NDC1: variants seen among roughly 807,000 people sequenced by gnomAD.
NDC1 encodes the protein nucleoporin NDC1.
NDC1 carries 24 observed loss-of-function variants against 89.8 expected under a neutral mutation model. The ratio of observed to expected loss-of-function variants is 0.27; its 90% CI spans 0.19 to 0.38. The LOEUF (loss-of-function observed/expected upper bound fraction) is 0.38, where lower values mean the gene tolerates loss of function less well. NDC1 is among the 10% of genes least tolerant of loss of function. The pLI is 1.00. For missense variants in NDC1, 728 were observed against 797.6 expected (o/e 0.91, Z 1.05); for synonymous variants, 296 against 284.8 (o/e 1.04, Z -0.39).
Position 53,767,963 on chromosome 1 carries a change from T to C in NDC1, c.*7A>G, listed in dbSNP as rs368528310. 657 of 1,578,670 alleles carry C rather than the reference T, an allele frequency of 4.2e-4. 1 individual carries two copies. Among genetic ancestry groups the C allele is most frequent in the Non-Finnish European group, 5.2e-4 (600 of 1,150,828 alleles). On this transcript the variant is annotated 3_prime_UTR_variant, in exon 18 of 18. Transcript: ENST00000371429. ...GCAGTGTAATGAACACAGTTTATAT[T>C]ACTTAACTATTCTTTGAACTCCAAG... is the stretch of plus-strand genomic sequence containing the variant.
Position 53,798,138 on chromosome 1 carries a change from T to TTTTTTATTA in NDC1, c.1223-995_1223-994insTAATAAAAA, listed in dbSNP as rs138762442. On this transcript the variant is annotated intron_variant, in intron 11 of 17. Coordinates refer to ENST00000371429, the MANE Select transcript of NDC1 (RefSeq NM_018087.5). ...CATTGCATTAGGATTCCATCTTCTT[T>TTTTTTATTA]TTATTATTATTATTATTATTATTAT... Among the ~76,000 whole-genome samples, 898 of 133,002 alleles carry TTTTTTATTA rather than the reference T, an allele frequency of 6.8e-3. 12 individuals are homozygous for TTTTTTATTA. Among genetic ancestry groups the TTTTTTATTA allele is most frequent in the Middle Eastern group, 0.011 (3 of 270 alleles). The allele number at this position is 133,002 out of a possible 152,430, so 87.3% of individuals were successfully genotyped here. A position where few individuals can be genotyped will look rare whatever the true frequency, so the allele number is the denominator to read the frequency against.
intron 13 of NDC1, among the ~76,000 whole-genome samples, chr1:53,795,606 C>A (rs561553537): frequency 6.6e-6 from 1 of 152,266 alleles, no homozygotes; most frequent in Non-Finnish European, 1.5e-5. Flanking sequence ...CTAGTATACA[C>A]CACAACCAAA....
At chr1:53,793,775 C>T (rs913279956) in intron 13 of NDC1, among the ~76,000 whole-genome samples, 1 of 151,758 alleles carries the variant, frequency 6.6e-6, no homozygotes, top group Non-Finnish European at 1.5e-5. Flanking sequence ...TGTTTTTGTA[C>T]AGACAGGGTC....
rs116321588 is a variant in NDC1 at position 53,800,246 on chromosome 1, A to G, written c.1222+447T>C. Among the ~76,000 whole-genome samples the G allele has an allele frequency of 4.6e-3, 707 of 152,094 alleles. 3 individuals carry two copies. Among genetic ancestry groups the G allele is most frequent in the African/African-American group, 0.016 (677 of 41,492 alleles). On this transcript the variant is annotated intron_variant, in intron 11 of 17. Transcript: ENST00000371429. ...ATACCCACGTCATTTTCTTGGTTCA[A>G]TATAAGATGCTATATGTTGGATCAA...
chr1:53,774,038 G>C (rs2100619630), intron 16 of NDC1, among the ~76,000 whole-genome samples: 1 of 152,300 alleles, frequency 6.6e-6, no homozygotes, highest in South Asian at 2.1e-4. Flanking sequence ...TCTGGAAACT[G>C]CTAAGTTAGC....
At chr1:53,829,375 C>T (rs1270765529) in intron 3 of NDC1, among the ~76,000 whole-genome samples, 1 of 152,178 alleles carries the variant, frequency 6.6e-6, no homozygotes, top group Non-Finnish European at 1.5e-5. Flanking sequence ...TGTCACTAAG[C>T]CTTTTTATAT....
intron 17 of NDC1, among the ~76,000 whole-genome samples, chr1:53,768,420 C>T (rs1024644643): frequency 1.3e-5 from 2 of 152,126 alleles, no homozygotes; most frequent in African/African-American, 4.8e-5. Flanking sequence ...GCCTTTAATA[C>T]AAAATCCTTT....
intron 10 of NDC1, 67 bp from the exon 11 acceptor site, chr1:53,800,915 A>G (rs1379811830): frequency 7.7e-6 from 11 of 1,428,894 alleles, no homozygotes; most frequent in Non-Finnish European, 9.5e-6. Flanking sequence ...AAGTGGGGGA[A>G]AAAGTCAGTA....
chr1:53,811,694 C>T (rs923372953), intron 6 of NDC1, among the ~76,000 whole-genome samples: 2 of 149,680 alleles, frequency 1.3e-5, no homozygotes, highest in African/African-American at 5.0e-5. Context: ...ATACAAAGGA[C>T]ATATAATCTT....
In NDC1 at chr1:53,835,485, T is replaced by C. The variant is rs1399489094; in HGVS notation, c.178+15A>G. Reference sequence around the variant, plus strand: ...TAGGTCCTATAACTTTCTCCCCAAGTTGAGTATCACCTACCAGACAGCCAC... The same window carrying C: ...TAGGTCCTATAACTTTCTCCCCAAGCTGAGTATCACCTACCAGACAGCCAC... On this transcript the variant is annotated intron_variant, in intron 2 of 17. Coordinates refer to ENST00000371429, the MANE Select transcript of NDC1 (RefSeq NM_018087.5). The C allele has an allele frequency of 1.3e-6, 2 of 1,591,808 alleles. No homozygotes were observed. The highest frequency in any genetic ancestry group is 1.2e-5 in the South Asian group (1 of 85,978).
At position 53,817,352 on chromosome 1, in the gene NDC1, T is replaced by G. The variant is rs180904270; in HGVS notation, c.703+1619A>C. ...GCATTTGCAGTGACCTGGATGAGAC[T>G]GGAGACTATTATCCTAAGTGAAGTA... On this transcript the variant is annotated intron_variant, in intron 6 of 17. Coordinates refer to ENST00000371429, the MANE Select transcript of NDC1 (RefSeq NM_018087.5). Among the ~76,000 whole-genome samples the G allele has an allele frequency of 3.9e-3, 600 of 152,350 alleles. 3 individuals are homozygous for G. Among genetic ancestry groups the G allele is most frequent in the Non-Finnish European group, 6.1e-3 (413 of 68,034 alleles).
intron 16 of NDC1, among the ~76,000 whole-genome samples, chr1:53,778,244 GAT>G (rs1491451647): frequency 3.0e-4 from 42 of 138,600 alleles, no homozygotes; most frequent in African/African-American, 1.2e-3. Context: ...TATAGTATAT[GAT>G]GTGTGTGTGT....
intron 15 of NDC1, among the ~76,000 whole-genome samples, chr1:53,788,117 C>A (rs1164490151): frequency 2.0e-5 from 3 of 152,110 alleles, no homozygotes; most frequent in East Asian, 3.9e-4. Flanking sequence ...CTTAGCAAGA[C>A]CCTGTCTCTA....
intron 1 of NDC1, among the ~76,000 whole-genome samples, chr1:53,837,688 C>CCAAAAGGGA (rs1649282101): frequency 6.6e-6 from 1 of 152,162 alleles, no homozygotes; most frequent in Non-Finnish European, 1.5e-5. Context: ...TCCTCTTTCT[C>CCAAAAGGGA]TTTGCACTCC....
At chr1:53,769,090 C>T (rs543074876) in intron 17 of NDC1, among the ~76,000 whole-genome samples, 1 of 152,282 alleles carries the variant, frequency 6.6e-6, no homozygotes, top group Admixed American at 6.5e-5. Context: ...GGCAGGAGAA[C>T]TGCTTGAGCT....
chr1:53,771,114 T>A, intron 17 of NDC1: 1 of 194,382 alleles, frequency 5.1e-6, no homozygotes, highest in African/African-American at 2.3e-5. Context: ...CCCCCCTGCC[T>A]GGACATGAGC....
At position 53,800,845 on chromosome 1, in the gene NDC1, C is replaced by T. The variant is rs536854518; in HGVS notation, c.1070G>A (p.Gly357Glu). ...QEVFSLSQPGGHPHNWTAISR... is the reference protein window; with the variant it reads ...QEVFSLSQPGEHPHNWTAISR... ...AATGGCTGTCCAATTGTGGGGATGT[C>T]CACCTAGGAGGTCCAAACACCAGCT... Residue 357 changes from glycine to glutamate, a missense_variant, in exon 11 of 18, where the codon GGA (glycine) becomes GAA (glutamate). Gly to Glu is a moderately conservative substitution (Grantham distance 98). Coordinates refer to ENST00000371429, the MANE Select transcript of NDC1 (RefSeq NM_018087.5). 25 of 1,588,866 alleles carry T rather than the reference C, an allele frequency of 1.6e-5. No homozygotes were observed. Among genetic ancestry groups the T allele is most frequent in the Non-Finnish European group, 2.1e-5 (25 of 1,169,002 alleles).
intron 3 of NDC1, among the ~76,000 whole-genome samples, chr1:53,830,885 T>C (rs913736805): frequency 1.4e-5 from 2 of 147,226 alleles, no homozygotes; most frequent in East Asian, 4.1e-4. Flanking sequence ...TTCCTCCCGG[T>C]CTGAGTATTC....
chr1:53,776,527 T>C (rs1647165026), intron 16 of NDC1, among the ~76,000 whole-genome samples: 1 of 152,218 alleles, frequency 6.6e-6, no homozygotes, highest in Non-Finnish European at 1.5e-5. Context: ...ACTGTACTAT[T>C]AATTTCACCT....
Sources: allele counts gnomAD v4.1 joint callset (sites outside exome capture counted in the v4.1 genomes callset), GRCh38; gene constraint gnomAD v4.1.1; transcripts MANE v1.5; gene names NCBI Gene and HGNC (gene_info 2026-07-23, HGNC 2026-07-21).